ANO2: variants seen among roughly 807,000 people sequenced by gnomAD.
ANO2 encodes anoctamin-2.
ANO2 carries 101 observed loss-of-function variants against 124.2 expected under a neutral mutation model. The observed-to-expected ratio is 0.81, with a 90% CI of 0.69 to 0.96. ANO2 has a LOEUF of 0.96. Ranked by LOEUF, ANO2 falls within the 40% of genes least tolerant of loss-of-function variation. The pLI is 0.00. For synonymous variants in ANO2, 486 were observed against 482.5 expected, an observed-to-expected ratio of 1.01 and a Z score of -0.09; for missense variants, 1,293 against 1,274.5, an observed-to-expected ratio of 1.01 and a Z score of -0.22.
intron 1 of ANO2, among the ~76,000 whole-genome samples, chr12:5,932,864 C>T (rs575746246): frequency 5.3e-5 from 8 of 152,294 alleles, no homozygotes; most frequent in African/African-American, 1.9e-4. Flanking sequence ...GTCAGGGAGG[C>T]TCCCAGAGGA....
chr12:5,746,678 A>C (rs944564894), intron 11 of ANO2, among the ~76,000 whole-genome samples: 1 of 152,192 alleles, frequency 6.6e-6, no homozygotes. Context: ...CAAGACCCTA[A>C]AGTGAGCAAT....
At chr12:5,932,850 A>G (rs1484540694) in intron 1 of ANO2, among the ~76,000 whole-genome samples, 1 of 152,214 alleles carries the variant, frequency 6.6e-6, no homozygotes, top group Non-Finnish European at 1.5e-5. Context: ...CTCTCCCTAG[A>G]GCTGTCAGGG....
intron 13 of ANO2, among the ~76,000 whole-genome samples, chr12:5,736,964 C>G (rs1950893318): frequency 6.6e-6 from 1 of 152,216 alleles, no homozygotes. Context: ...CTCTCACACA[C>G]TCTCCATTCT....
At position 5,898,813 on chromosome 12, in the gene ANO2, G is replaced by T. The variant is rs148484539; in HGVS notation, c.534+22227C>A. Among the ~76,000 whole-genome samples the T allele has an allele frequency of 3.3e-3, 501 of 152,310 alleles. 1 individual carries two copies. The highest frequency in any genetic ancestry group is 0.011 in the African/African-American group (467 of 41,566). On this transcript the variant is annotated intron_variant, in intron 3 of 24. Coordinates refer to ENST00000682330, the MANE Select transcript of ANO2 (RefSeq NM_001364791.2). ...GTTCTATTTCTTCATCTGGATGGCA[G>T]TTCCTCTAGTTTGTCCACTCAGTGA...
At chr12:5,690,121 G>A (rs1018265061) in intron 14 of ANO2, among the ~76,000 whole-genome samples, 1 of 152,050 alleles carries the variant, frequency 6.6e-6, no homozygotes, top group Non-Finnish European at 1.5e-5. Flanking sequence ...TTGACTGGCT[G>A]GAGTTAATGA....
intron 14 of ANO2, among the ~76,000 whole-genome samples, chr12:5,685,605 G>T (rs1309804216): frequency 6.6e-6 from 1 of 152,150 alleles, no homozygotes; most frequent in Non-Finnish European, 1.5e-5. Context: ...GCAACATGGC[G>T]AAATGCTGCC....
intron 7 of ANO2, among the ~76,000 whole-genome samples, chr12:5,820,848 G>T (rs1407154404): frequency 6.6e-6 from 1 of 152,222 alleles, no homozygotes; most frequent in Non-Finnish European, 1.5e-5. Flanking sequence ...ACCAGATGTG[G>T]TTTCATTGCT....
intron 14 of ANO2, among the ~76,000 whole-genome samples, chr12:5,713,046 T>A (rs1182674113): frequency 6.6e-6 from 1 of 152,166 alleles, no homozygotes; most frequent in East Asian, 1.9e-4. Flanking sequence ...TCTGGATGGA[T>A]ACCTCTGACA....
At chr12:5,723,352 G>C (rs891706863) in intron 14 of ANO2, among the ~76,000 whole-genome samples, 1 of 152,216 alleles carries the variant, frequency 6.6e-6, no homozygotes, top group African/African-American at 2.4e-5. Flanking sequence ...GCTCATCCAG[G>C]TGGAGCCTTG....
intron 14 of ANO2, among the ~76,000 whole-genome samples, chr12:5,653,860 T>A (rs1340049893): frequency 2.6e-5 from 4 of 152,046 alleles, no homozygotes; most frequent in Non-Finnish European, 5.9e-5. Flanking sequence ...GATTAAAGAA[T>A]GATTAGAGTT....
intron 4 of ANO2, among the ~76,000 whole-genome samples, chr12:5,844,869 G>GTTTGT (rs978704679): frequency 4.0e-5 from 6 of 150,366 alleles, no homozygotes; most frequent in Admixed American, 3.3e-4. Flanking sequence ...TTGTTTGTTT[G>GTTTGT]TTTTTACTAC....
intron 3 of ANO2, among the ~76,000 whole-genome samples, chr12:5,878,594 C>T (rs973008737): frequency 1.3e-5 from 2 of 152,156 alleles, no homozygotes; most frequent in Non-Finnish European, 2.9e-5. Context: ...CAAACATAGA[C>T]AACATAGACA....
intron 13 of ANO2, among the ~76,000 whole-genome samples, chr12:5,734,177 G>A (rs536426589): frequency 6.6e-6 from 1 of 152,206 alleles, no homozygotes; most frequent in Non-Finnish European, 1.5e-5. Flanking sequence ...GAGTCACAGT[G>A]AGCACATTCA....
At chr12:5,739,595 T>TCACACACACACA in intron 12 of ANO2, among the ~76,000 whole-genome samples, 196 bp from the exon 13 acceptor site, 1 of 26,980 alleles carries the variant, frequency 3.7e-5, no homozygotes, top group Non-Finnish European at 7.8e-5. Context: ...AATAGATATG[T>TCACACACACACA]TACACACACA....
chr12:5,744,462 T>C (rs1591559303), intron 11 of ANO2, 145 bp from the exon 12 acceptor site: 2 of 906,458 alleles, frequency 2.2e-6, no homozygotes, highest in South Asian at 3.4e-5. Flanking sequence ...GAAGTTAGCA[T>C]TGTATTCTTC....
chr12:5,590,292 G>A (rs999127581), intron 20 of ANO2, among the ~76,000 whole-genome samples: 5 of 152,044 alleles, frequency 3.3e-5, no homozygotes, highest in African/African-American at 1.2e-4. Context: ...CTTCCAATGT[G>A]GCCCAGGGAA....
chr12:5,732,924 G>A, intron 13 of ANO2: 5 of 1,612,574 alleles, frequency 3.1e-6, no homozygotes, highest in Non-Finnish European at 4.2e-6. Flanking sequence ...ATGTTAACTG[G>A]ATGGCTGATA....
chr12:5,785,720 C>T (rs1952521636), intron 10 of ANO2, among the ~76,000 whole-genome samples: 1 of 152,014 alleles, frequency 6.6e-6, no homozygotes, highest in Non-Finnish European at 1.5e-5. Context: ...TCCCATGCAC[C>T]ACCCCTACGT....
Position 5,862,351 on chromosome 12 carries a change from G to A in ANO2, c.535-8210C>T, listed in dbSNP as rs1307833613. Among the ~76,000 whole-genome samples the A allele has an allele frequency of 6.6e-6, 1 of 152,160 alleles. No individual in the cohort carries two copies. The highest frequency in any genetic ancestry group is 1.5e-5 in the Non-Finnish European group (1 of 68,026). ...CTTCTTATGGAAAAGACTTCACCTGGTTCCCAACCAACGACCAGGGACAAC... is the reference window on the plus strand; with the variant it reads ...CTTCTTATGGAAAAGACTTCACCTGATTCCCAACCAACGACCAGGGACAAC... On this transcript the variant is annotated intron_variant, in intron 3 of 24. Transcript: ENST00000682330. This position sits in a 1 kb window ranked among gnomAD's most constrained non-coding sequence, Gnocchi z 4.0.
Sources: allele counts gnomAD v4.1 joint callset (sites outside exome capture counted in the v4.1 genomes callset), GRCh38; gene constraint gnomAD v4.1.1; non-coding constraint Gnocchi (gnomAD v3.1); transcripts MANE v1.5; gene names NCBI Gene and HGNC (gene_info 2026-07-23, HGNC 2026-07-21).